Variants in OR1M1 observed in about 807,000 individuals in gnomAD.
OR1M1 encodes the protein olfactory receptor 1M1.
For synonymous variants in OR1M1, 157 were observed against 165.5 expected (o/e 0.95, Z 0.39); for missense variants, 397 against 401.8 (o/e 0.99, Z 0.10).
In OR1M1 at chr19:9,093,630, C is replaced by A; in HGVS notation, c.386C>A (p.Pro129Gln). The change falls in exon 2 of 2, where the codon CCA becomes CAA. Residue 129 changes from proline to glutamine, a missense_variant. Coordinates refer to ENST00000641627, the MANE Select transcript of OR1M1 (RefSeq NM_001004456.2). The part of the protein sequence containing the change: ...AYDRFVAICH[P>Q]LHYAKIMSLR... The stretch of plus-strand genomic sequence containing the variant: ...GACCGGTTCGTGGCCATCTGCCACC[C>A]ATTGCACTACGCCAAGATCATGAGC... 6.2e-7 allele frequency: 1 copy of A among 1,614,168 alleles called. No individual in the cohort carries two copies. The highest frequency in any genetic ancestry group is 1.3e-5 in the African/African-American group (1 of 75,066).
intron 1 of OR1M1, among the ~76,000 whole-genome samples, chr19:9,092,622 C>T (rs2145904579): frequency 6.6e-6 from 1 of 152,066 alleles, no homozygotes; most frequent in Non-Finnish European, 1.5e-5. Context: ...ATATCTTTAG[C>T]CTGGCGTGGT....
chr19:9,093,671 C>A lies in OR1M1; in HGVS notation c.427C>A (p.Leu143Met), dbSNP rs1345373299. The change falls in exon 2 of 2, where the codon CTG (leucine) becomes ATG (methionine). Residue 143 changes from leucine (L) to methionine (M), a missense_variant. Leu to Met is a conservative substitution (Grantham distance 15). Transcript: ENST00000641627. ...AKIMSLRLCR[L>M]LVGALWAFSC... ...GATCATGAGCCTACGCCTCTGTCGC[C>A]TGCTGGTCGGCGCCCTCTGGGCGTT... 1 of 1,614,198 alleles carries A rather than the reference C, an allele frequency of 6.2e-7. No individual in the cohort carries two copies.
intron 1 of OR1M1, 187 bp from the exon 2 acceptor site, chr19:9,093,045 A>G (rs1226874665): frequency 1.2e-5 from 4 of 321,620 alleles, no homozygotes; most frequent in Non-Finnish European, 2.2e-5. Context: ...CTCTATATAT[A>G]TATATATACA....
At chr19:9,093,083 C>T (rs1042989809) in intron 1 of OR1M1, 149 bp from the exon 2 acceptor site, 494 of 452,138 alleles carry the variant, frequency 1.1e-3, no homozygotes, top group Middle Eastern at 2.8e-3. Context: ...TATATATACA[C>T]ACACACACAC....
In OR1M1 at chr19:9,093,434, G is replaced by A. The variant is rs1281021026; in HGVS notation, c.190G>A (p.Ala64Thr). 1 of 1,613,802 alleles carries A rather than the reference G, an allele frequency of 6.2e-7. No individual in the cohort carries two copies. The highest frequency in any genetic ancestry group is 8.5e-7 in the Non-Finnish European group (1 of 1,179,972). Reference protein sequence around the residue: ...HLHTPMYFFLANLSLVDFCLA... With the variant: ...HLHTPMYFFLTNLSLVDFCLA... ...CCACACCCCCATGTACTTCTTCCTG[G>A]CCAACCTGTCCCTGGTTGATTTCTG... The change falls in exon 2 of 2, where the codon GCC becomes ACC. Residue 64 changes from alanine (A) to threonine (T), a missense_variant. Physicochemically the swap from Ala to Thr is moderately conservative, Grantham distance 58 (BLOSUM62 0). Coordinates refer to ENST00000641627, the MANE Select transcript of OR1M1 (RefSeq NM_001004456.2).
chr19:9,092,156 G>A (rs2050296653), intron 1 of OR1M1, among the ~76,000 whole-genome samples: 2 of 129,060 alleles, frequency 1.5e-5, no homozygotes, highest in Non-Finnish European at 3.1e-5. Context: ...CTGCATTCAA[G>A]CTCTCTGCCC....
chr19:9,092,322 G>A (rs1188162922), intron 1 of OR1M1, among the ~76,000 whole-genome samples: 2 of 151,898 alleles, frequency 1.3e-5, no homozygotes, highest in African/African-American at 2.4e-5. Flanking sequence ...GGCCAAGTGC[G>A]GTAGCTCACA....
chr19:9,093,971 T>G lies in OR1M1; in HGVS notation c.727T>G (p.Ser243Ala), dbSNP rs1203149774. The change falls in exon 2 of 2, where the codon TCC becomes GCC. Residue 243 changes from serine (S) to alanine (A), a missense_variant. Ser to Ala is a moderately conservative substitution (Grantham distance 99). Transcript: ENST00000641627. The part of the protein sequence containing the change: ...GRKKAFSTCS[S>A]HLSVVALFYG... ...GAAGAAAGCCTTCTCCACCTGCAGC[T>G]CCCACCTGTCTGTGGTTGCTCTCTT... The G allele has an allele frequency of 6.2e-7, 1 of 1,614,018 alleles. No homozygotes were observed. The highest frequency in any genetic ancestry group is 1.3e-5 in the African/African-American group (1 of 74,922).
chr19:9,088,290 G>A (rs578155405), intron 1 of OR1M1, among the ~76,000 whole-genome samples: 1 of 152,130 alleles, frequency 6.6e-6, no homozygotes, highest in Non-Finnish European at 1.5e-5. Context: ...CCCATGTTGG[G>A]TCTTGGAAGC....
chr19:9,089,613 C>T (rs757010584), intron 1 of OR1M1, among the ~76,000 whole-genome samples: 10 of 151,886 alleles, frequency 6.6e-5, no homozygotes, highest in African/African-American at 1.9e-4. Flanking sequence ...TTAGTAGAGA[C>T]GGGGTTTCAC....
At chr19:9,088,569 A>G (rs1164448513) in intron 1 of OR1M1, among the ~76,000 whole-genome samples, 1 of 152,090 alleles carries the variant, frequency 6.6e-6, no homozygotes, top group African/African-American at 2.4e-5. Context: ...CAGAGCATTC[A>G]CTGGCTTCCT....
rs924976097 is a variant in OR1M1, at chr19:9,094,517, G to A, written c.*331G>A. ...TAGGATTACAGGTGTGAGCTACCAC[G>A]CCGAGCCTCACTTTGAATTTTTTGT... is the stretch of plus-strand genomic sequence containing the variant. On this transcript the variant is annotated 3_prime_UTR_variant, in exon 2 of 2. Coordinates refer to ENST00000641627, the MANE Select transcript of OR1M1 (RefSeq NM_001004456.2). 6.0e-5 allele frequency: 12 copies of A among 200,384 alleles called. No individual in the cohort carries two copies. Among genetic ancestry groups the A allele is most frequent in the Non-Finnish European group, 9.0e-5 (9 of 99,846 alleles). 12.4% of individuals were successfully genotyped at this position (200,384 alleles called of 1,614,324 possible).
Position 9,094,306 on chromosome 19 carries a change from T to C in OR1M1, c.*120T>C. 1 of 611,998 alleles carries C rather than the reference T, an allele frequency of 1.6e-6. No individual in the cohort carries two copies. Among genetic ancestry groups the C allele is most frequent in the South Asian group, 2.2e-5 (1 of 45,598 alleles). 37.9% of individuals were successfully genotyped at this position (611,998 alleles called of 1,614,324 possible). A position where few individuals can be genotyped will look rare whatever the true frequency, so the allele number is the denominator to read the frequency against. ...TTGAATTTTATTATTATTATTATTATTTAGAGATGGGGTCTCACTATGTTG... is the reference window on the plus strand; with the variant it reads ...TTGAATTTTATTATTATTATTATTACTTAGAGATGGGGTCTCACTATGTTG... On this transcript the variant is annotated 3_prime_UTR_variant, in exon 2 of 2. Coordinates refer to ENST00000641627, the MANE Select transcript of OR1M1 (RefSeq NM_001004456.2).
At chr19:9,091,129 C>T (rs985416648) in intron 1 of OR1M1, among the ~76,000 whole-genome samples, 39 of 151,416 alleles carry the variant, frequency 2.6e-4, no homozygotes, top group Admixed American at 1.2e-3. Flanking sequence ...ATCGTGCCAC[C>T]GCACTCCAGC....
chr19:9,087,642 G>T (rs2050271524), intron 1 of OR1M1, among the ~76,000 whole-genome samples: 1 of 152,204 alleles, frequency 6.6e-6, no homozygotes, highest in Admixed American at 6.5e-5. Context: ...GTAGAGACAA[G>T]GTTTCACCAT....
intron 1 of OR1M1, among the ~76,000 whole-genome samples, chr19:9,088,149 C>A (rs1026058993): frequency 2.6e-5 from 4 of 152,112 alleles, no homozygotes; most frequent in Non-Finnish European, 1.5e-5. Flanking sequence ...CCTCAGCCTC[C>A]CAAAGTTCTG....
At chr19:9,090,560 G>A (rs2050286724) in intron 1 of OR1M1, among the ~76,000 whole-genome samples, 1 of 152,016 alleles carries the variant, frequency 6.6e-6, no homozygotes, top group Non-Finnish European at 1.5e-5. Flanking sequence ...TCAGCCTCCT[G>A]AGTAGCTGGG....
rs115312324 is a variant in OR1M1, at chr19:9,088,183, G to A, written c.-14+1026G>A. Among the ~76,000 whole-genome samples, 1,446 of 152,226 alleles carry A rather than the reference G, an allele frequency of 9.5e-3. 27 individuals carry two copies. The highest frequency in any genetic ancestry group is 0.033 in the African/African-American group (1,386 of 41,544). On this transcript the variant is annotated intron_variant, in intron 1 of 1. Coordinates refer to ENST00000641627, the MANE Select transcript of OR1M1 (RefSeq NM_001004456.2). ...TGGTATTACAAGCATGAGCCACTGC[G>A]CCCAGCCTGGACTTTCTTTTCCAAG...
In OR1M1 at chr19:9,093,915, C is replaced by T. The variant is rs768433453; in HGVS notation, c.671C>T (p.Ala224Val). 4.3e-6 allele frequency: 7 copies of T among 1,614,016 alleles called. No individual in the cohort carries two copies. The African/African-American group carries it at 9.3e-5, about 22-fold the overall frequency. Residue 224 changes from alanine to valine, a missense_variant, in exon 2 of 2, where the codon GCC becomes GTC. Ala to Val is a moderately conservative substitution (Grantham distance 64). Transcript: ENST00000641627. ...ILASYARILV[A>V]IMKVPSAGGR... Reference sequence around the variant, plus strand: ...GCCTCCTATGCTCGCATCCTTGTGGCCATCATGAAGGTCCCCTCTGCAGGC... The same window carrying T: ...GCCTCCTATGCTCGCATCCTTGTGGTCATCATGAAGGTCCCCTCTGCAGGC...
Sources: allele counts gnomAD v4.1 joint callset (sites outside exome capture counted in the v4.1 genomes callset), GRCh38; gene constraint gnomAD v4.1.1; transcripts MANE v1.5; gene names NCBI Gene and HGNC (gene_info 2026-07-23, HGNC 2026-07-21).